Variants in SH3BGRL2 observed in about 807,000 individuals in gnomAD.
SH3BGRL2 encodes the protein SH3 domain binding glutamate rich protein like 2, also known as SH3 domain-binding glutamic acid-rich-like protein 2.
In SH3BGRL2, 21 loss-of-function variants were observed where a neutral mutation model predicts 14.8. The observed-to-expected ratio is 1.42, with a 90% CI of 1.01 to 2.05. SH3BGRL2 has a LOEUF of 2.05. SH3BGRL2 is among the 30% of genes most tolerant of loss of function. The pLI is 0.00. For synonymous variants in SH3BGRL2, 50 were observed against 47.8 expected (o/e 1.05, Z -0.19); for missense variants, 147 against 130.8 (o/e 1.12, Z -0.61).
the SH3BGRL2 span, among the ~76,000 whole-genome samples, chr6:79,539,083 CAT>C: frequency 6.6e-6 from 1 of 152,112 alleles, no homozygotes; most frequent in East Asian, 1.9e-4. Context: ...TTGTGTGTAA[CAT>C]AGTCTCAGGA....
At chr6:79,671,830 C>T (rs1356594488) in intron 1 of SH3BGRL2, among the ~76,000 whole-genome samples, 4 of 152,234 alleles carry the variant, frequency 2.6e-5, no homozygotes, top group Non-Finnish European at 5.9e-5. Flanking sequence ...ATGTTCACCT[C>T]TGCAGACCTT....
intron 2 of SH3BGRL2, among the ~76,000 whole-genome samples, 169 bp downstream of exon 2, chr6:79,673,968 T>C (rs1562154380): frequency 6.6e-6 from 1 of 152,040 alleles, no homozygotes; most frequent in Non-Finnish European, 1.5e-5. Flanking sequence ...GAGTCCAAGG[T>C]CATGGACTGT....
intron 2 of SH3BGRL2, among the ~76,000 whole-genome samples, chr6:79,695,540 CCT>C (rs1770314359): frequency 6.6e-6 from 1 of 152,070 alleles, no homozygotes; most frequent in Non-Finnish European, 1.5e-5. Flanking sequence ...CAGGATGCAC[CCT>C]AGAGTACAGA....
the SH3BGRL2 span, among the ~76,000 whole-genome samples, chr6:79,559,538 GAATAGAGACTAA>G: frequency 1.3e-5 from 2 of 152,124 alleles, no homozygotes; most frequent in Non-Finnish European, 1.5e-5. Context: ...GTTCCTCCAA[GAATAGAGACTAA>G]AGAGACATGA....
At chr6:79,666,375 T>C (rs2812712) in intron 1 of SH3BGRL2, among the ~76,000 whole-genome samples, 126,280 of 152,174 alleles carry the variant, frequency 0.83, 52,535 homozygotes, top group East Asian at 0.98. Context: ...CTCCACCTAG[T>C]ACACTGAGCT....
chr6:79,638,739 T>A (rs1263562426), intron 1 of SH3BGRL2, among the ~76,000 whole-genome samples: 1 of 152,226 alleles, frequency 6.6e-6, no homozygotes, highest in Non-Finnish European at 1.5e-5. Context: ...GCCATTTGTA[T>A]GTCTTCTTTT....
the SH3BGRL2 span, among the ~76,000 whole-genome samples, chr6:79,541,072 G>A: frequency 6.6e-6 from 1 of 152,028 alleles, no homozygotes; most frequent in East Asian, 1.9e-4. Flanking sequence ...GGCCAACATG[G>A]TGAGACCCCC....
the SH3BGRL2 span, among the ~76,000 whole-genome samples, chr6:79,589,397 A>C: frequency 6.6e-6 from 1 of 152,096 alleles, no homozygotes; most frequent in South Asian, 2.1e-4. Context: ...ATTTCATTCC[A>C]TTTGTAACTT....
the SH3BGRL2 span, among the ~76,000 whole-genome samples, chr6:79,578,950 A>G: frequency 3.9e-5 from 6 of 152,188 alleles, no homozygotes; most frequent in South Asian, 1.2e-3. Context: ...TGTAGAGAAG[A>G]CCTTAAATGA....
chr6:79,589,021 A>G, the SH3BGRL2 span, among the ~76,000 whole-genome samples: 2 of 152,116 alleles, frequency 1.3e-5, no homozygotes, highest in Non-Finnish European at 2.9e-5. Flanking sequence ...CAAGTTCCTT[A>G]TATAAAATGA....
At chr6:79,592,491 G>A in the SH3BGRL2 span, among the ~76,000 whole-genome samples, 2 of 152,160 alleles carry the variant, frequency 1.3e-5, no homozygotes, top group African/African-American at 4.8e-5. Context: ...CTATGAGGAG[G>A]TACCCATAAG....
chr6:79,636,456 A>G (rs1410281443), intron 1 of SH3BGRL2, among the ~76,000 whole-genome samples: 1 of 152,190 alleles, frequency 6.6e-6, no homozygotes, highest in East Asian at 1.9e-4. Flanking sequence ...AGTTGGGAGC[A>G]TACAAGTGAT....
At chr6:79,591,684 G>C in the SH3BGRL2 span, among the ~76,000 whole-genome samples, 1 of 152,200 alleles carries the variant, frequency 6.6e-6, no homozygotes, top group South Asian at 2.1e-4. Flanking sequence ...GGGATTAACA[G>C]GCGTGAGCCA....
At chr6:79,573,371 A>G in the SH3BGRL2 span, among the ~76,000 whole-genome samples, 1 of 152,134 alleles carries the variant, frequency 6.6e-6, no homozygotes, top group Non-Finnish European at 1.5e-5. Flanking sequence ...TCTTTTGCTA[A>G]TACCACACTA....
chr6:79,572,558 C>A, the SH3BGRL2 span, among the ~76,000 whole-genome samples: 3 of 151,986 alleles, frequency 2.0e-5, no homozygotes, highest in Non-Finnish European at 2.9e-5. Flanking sequence ...CTCTGCTTGC[C>A]GGGTTCACGC....
At chr6:79,653,692 T>C (rs1769348589) in intron 1 of SH3BGRL2, among the ~76,000 whole-genome samples, 1 of 152,094 alleles carries the variant, frequency 6.6e-6, no homozygotes. Context: ...AGGAAAGAGA[T>C]GGGGTATGGA....
chr6:79,594,481 C>T, the SH3BGRL2 span, among the ~76,000 whole-genome samples: 1 of 152,152 alleles, frequency 6.6e-6, no homozygotes, highest in East Asian at 1.9e-4. Context: ...AAATTTCTGC[C>T]TCCCCTACAG....
At chr6:79,687,048 C>T (rs138922450) in intron 2 of SH3BGRL2, among the ~76,000 whole-genome samples, 24 of 152,258 alleles carry the variant, frequency 1.6e-4, no homozygotes, top group Non-Finnish European at 2.4e-4. Flanking sequence ...ATATAGGCAG[C>T]GAGTGTTGTT....
At chr6:79,572,728 G>T in the SH3BGRL2 span, among the ~76,000 whole-genome samples, 2 of 152,172 alleles carry the variant, frequency 1.3e-5, no homozygotes, top group African/African-American at 2.4e-5. Context: ...GCCTCCAAAA[G>T]TGCTGGGATT....
Sources: gnomAD v4.1 joint callset for allele counts (sites outside exome capture counted in the v4.1 genomes callset) on GRCh38, gnomAD v4.1.1 for gene constraint, MANE v1.5 for transcripts, NCBI Gene and HGNC (gene_info 2026-07-23, HGNC 2026-07-21) for gene names.